The following SRC variants were observed in gnomAD, a reference collection of about 807,000 sequenced individuals.
SRC encodes the protein proto-oncogene tyrosine-protein kinase Src.
SRC carries 13 observed loss-of-function variants against 62.9 expected under a neutral mutation model. That is an observed-to-expected ratio of 0.21 (90% CI 0.13 to 0.33). SRC has a LOEUF of 0.33. Among genes scored for constraint, SRC ranks in the 10% least tolerant of loss-of-function variants. The pLI, the probability that SRC is intolerant of heterozygous loss-of-function variation, is 1.00. For synonymous variants in SRC, 302 were observed against 317.5 expected, an observed-to-expected ratio of 0.95 and a Z score of 0.52; for missense variants, 457 against 737.3, an observed-to-expected ratio of 0.62 and a Z score of 4.40.
chr20:37,378,486 C>T (rs1027005788), intron 2 of SRC, among the ~76,000 whole-genome samples: 7 of 152,102 alleles, frequency 4.6e-5, no homozygotes. Context: ...TCCCCATTTT[C>T]CAGAGGAGGA....
chr20:37,352,706 C>A (rs1030838266), intron 1 of SRC, among the ~76,000 whole-genome samples: 1 of 152,170 alleles, frequency 6.6e-6, no homozygotes, highest in Non-Finnish European at 1.5e-5. Context: ...CAGAGAGAGG[C>A]GGGGATGGGC....
intron 7 of SRC, among the ~76,000 whole-genome samples, chr20:37,395,769 G>T (rs1304722714): frequency 6.6e-6 from 1 of 152,230 alleles, no homozygotes; most frequent in African/African-American, 2.4e-5. Flanking sequence ...AGCAGTTATT[G>T]AGTGCCCAGT....
chr20:37,378,224 G>A lies in SRC; in HGVS notation c.-172-4395G>A, dbSNP rs561423423. Reference sequence around the variant, plus strand: ...GTCATCCAGGCTGGAGTGCAGTGGCGCGATGATAGCTCACTGCAGCCTCAA... The same window carrying A: ...GTCATCCAGGCTGGAGTGCAGTGGCACGATGATAGCTCACTGCAGCCTCAA... On this transcript the variant is annotated intron_variant, in intron 2 of 13. Coordinates refer to ENST00000373578, the MANE Select transcript of SRC (RefSeq NM_198291.3). 8.2e-5 allele frequency among the ~76,000 whole-genome samples: 12 copies of A among 145,838 alleles called. No homozygotes were observed. The East Asian group carries it at 1.6e-3, about 19-fold the overall frequency.
Position 37,360,206 on chromosome 20 carries a change from TTCTC to T in SRC, c.-246-4988_-246-4985del, listed in dbSNP as rs564687280. ...AAAAATGTGAACAATTTCTTTCTCTTTCTCTCTCTCTCTTTTTTTTTTTTTTTTT... is the reference window on the plus strand; with the variant it reads ...AAAAATGTGAACAATTTCTTTCTCTTTCTCTCTCTTTTTTTTTTTTTTTTT... On this transcript the variant is annotated intron_variant, in intron 1 of 13. Coordinates refer to ENST00000373578, the MANE Select transcript of SRC (RefSeq NM_198291.3). Among the ~76,000 whole-genome samples, 6 of 144,468 alleles carry T rather than the reference TTCTC, an allele frequency of 4.2e-5. No individual in the cohort carries two copies. In the East Asian group the frequency reaches 5.8e-4, roughly 14 times the overall value. The allele number at this position is 144,468 out of a possible 152,430, so 94.8% of individuals were successfully genotyped here.
chr20:37,389,807 CA>C (rs1390492555), intron 5 of SRC, among the ~76,000 whole-genome samples: 10 of 152,272 alleles, frequency 6.6e-5, no homozygotes, highest in Admixed American at 6.5e-4. Context: ...AGCTGGTGAC[CA>C]GCAGTTGTGA....
intron 2 of SRC, among the ~76,000 whole-genome samples, chr20:37,377,206 A>G (rs2070291498): frequency 6.6e-6 from 1 of 152,186 alleles, no homozygotes. Flanking sequence ...AACAGTAAAC[A>G]ACATTGTGTG....
intron 2 of SRC, among the ~76,000 whole-genome samples, chr20:37,371,671 T>A (rs2070167314): frequency 6.6e-6 from 1 of 152,188 alleles, no homozygotes; most frequent in African/African-American, 2.4e-5. Context: ...GTTTAGGTTA[T>A]TGATTTGAAA....
At chr20:37,388,759 T>C (rs1285822806) in intron 5 of SRC, among the ~76,000 whole-genome samples, 1 of 120,660 alleles carries the variant, frequency 8.3e-6, no homozygotes, top group Non-Finnish European at 1.7e-5. Flanking sequence ...AAAAAAGAAG[T>C]GAAGGAGGGA....
intron 4 of SRC, among the ~76,000 whole-genome samples, chr20:37,385,007 A>G (rs1338048728): frequency 6.6e-6 from 1 of 152,144 alleles, no homozygotes; most frequent in African/African-American, 2.4e-5. Context: ...ACACACGGCT[A>G]CACCCCCGCC....
chr20:37,360,803 T>C (rs2069957595), intron 1 of SRC, among the ~76,000 whole-genome samples: 1 of 152,224 alleles, frequency 6.6e-6, no homozygotes, highest in Admixed American at 6.5e-5. Flanking sequence ...TCCTGTGTGC[T>C]TCACAGATAT....
At chr20:37,366,216 A>C (rs1408759478) in intron 2 of SRC, among the ~76,000 whole-genome samples, 1 of 152,058 alleles carries the variant, frequency 6.6e-6, no homozygotes, top group Admixed American at 6.6e-5. Context: ...GTATTGCCAA[A>C]TTGTCTTTCA....
In SRC at chr20:37,405,243, T is replaced by C. The variant is rs533374320; in HGVS notation, c.*1864T>C. On this transcript the variant is annotated 3_prime_UTR_variant, in exon 14 of 14. Transcript: ENST00000373578. ...CTTAATACTGTCCTTTTTTTTTTTT[T>C]AACAGTGTTTTGTAGATTTCAGATG... 4.5e-6 allele frequency: 1 copy of C among 220,552 alleles called. No homozygotes were observed. The allele number at this position is 220,552 out of a possible 1,614,324, so 13.7% of individuals were successfully genotyped here. A position where few individuals can be genotyped will look rare whatever the true frequency, so the allele number is the denominator to read the frequency against.
At chr20:37,354,372 C>T (rs986435473) in intron 1 of SRC, among the ~76,000 whole-genome samples, 1 of 152,152 alleles carries the variant, frequency 6.6e-6, no homozygotes, top group Non-Finnish European at 1.5e-5. Flanking sequence ...CAAGTGTGCA[C>T]CCGGTGGGGC....
chr20:37,361,638 C>T (rs1382995137), intron 1 of SRC, among the ~76,000 whole-genome samples: 2 of 152,306 alleles, frequency 1.3e-5, no homozygotes, highest in Middle Eastern at 3.4e-3. Context: ...CCACAAGGCA[C>T]ATCAGCCATC....
Position 37,397,893 on chromosome 20 carries a change from C to T in SRC, c.859+39C>T, listed in dbSNP as rs2070681100. 1 of 1,579,726 alleles carries T rather than the reference C, an allele frequency of 6.3e-7. No homozygotes were observed. Among genetic ancestry groups the T allele is most frequent in the African/African-American group, 1.4e-5 (1 of 74,002 alleles). ...CCTGCCCTCGGGAGAGGCATCCACCCCCCACCCCGTGTGGCAGCTCCGGGC... is the reference window on the plus strand; with the variant it reads ...CCTGCCCTCGGGAGAGGCATCCACCTCCCACCCCGTGTGGCAGCTCCGGGC... On this transcript the variant is annotated intron_variant, in intron 9 of 13. Coordinates refer to ENST00000373578, the MANE Select transcript of SRC (RefSeq NM_198291.3). This position sits in a 1 kb window ranked among gnomAD's most constrained non-coding sequence, Gnocchi z 4.1.
intron 5 of SRC, among the ~76,000 whole-genome samples, chr20:37,392,631 G>A (rs1311567684): frequency 2.0e-5 from 3 of 152,182 alleles, no homozygotes; most frequent in Non-Finnish European, 4.4e-5. Context: ...GGAGTCAGGA[G>A]CCTGGGCCTG....
chr20:37,359,732 G>A (rs73903490), intron 1 of SRC, among the ~76,000 whole-genome samples: 1,758 of 152,254 alleles, frequency 0.012, 35 homozygotes, highest in African/African-American at 0.041. Flanking sequence ...TGGACTTGGA[G>A]CGAGATGGGG....
In SRC at chr20:37,403,450, C is replaced by A; in HGVS notation, c.*71C>A. On this transcript the variant is annotated 3_prime_UTR_variant, in exon 14 of 14. Transcript: ENST00000373578. The surrounding 1 kb of genome is among the most constrained non-coding windows in gnomAD (Gnocchi z 7.1). ...GGTGGCCCCTGTCTCGGGGCTTGCC[C>A]CACTCTGCCTGCCTGCTGTTGGTCC... 6.9e-7 allele frequency: 1 copy of A among 1,456,862 alleles called. No homozygotes were observed. The highest frequency in any genetic ancestry group is 9.2e-7 in the Non-Finnish European group (1 of 1,085,594). The allele number at this position is 1,456,862 out of a possible 1,614,324, so 90.2% of individuals were successfully genotyped here.
At chr20:37,382,349 A>T (rs1393248842) in intron 2 of SRC, among the ~76,000 whole-genome samples, 1 of 152,152 alleles carries the variant, frequency 6.6e-6, no homozygotes, top group African/African-American at 2.4e-5. Flanking sequence ...ACAGCTATTT[A>T]GGGGTAGAGC....
Sources: gnomAD v4.1 joint callset for allele counts (sites outside exome capture counted in the v4.1 genomes callset) on GRCh38, gnomAD v4.1.1 for gene constraint, Gnocchi (gnomAD v3.1) non-coding constraint, MANE v1.5 for transcripts, NCBI Gene and HGNC (gene_info 2026-07-23, HGNC 2026-07-21) for gene names.